The following GUCY1A2 variants were observed in gnomAD, a reference collection of about 807,000 sequenced individuals.
The protein encoded by GUCY1A2 is guanylate cyclase 1 soluble subunit alpha 2.
GUCY1A2 carries 27 observed loss-of-function variants against 63.5 expected under a neutral mutation model. The observed-to-expected ratio is 0.43, with a 90% CI of 0.31 to 0.59. The LOEUF is 0.59. GUCY1A2 is among the 20% of genes least tolerant of loss of function. The probability of loss-of-function intolerance (pLI) is 0.11; values close to 1 mark genes in which losing one functional copy is unlikely to be tolerated. For missense variants in GUCY1A2, 768 were observed against 913.3 expected (o/e 0.84, Z 2.05); for synonymous variants, 364 against 343.5 (o/e 1.06, Z -0.66).
At chr11:106,860,330 A>G (rs1144658) in intron 4 of GUCY1A2, among the ~76,000 whole-genome samples, 1 of 151,780 alleles carries the variant, frequency 6.6e-6, no homozygotes, top group African/African-American at 2.4e-5. Flanking sequence ...GGAAAAAAGG[A>G]AAACACATGA....
Position 106,758,490 on chromosome 11 carries a change from G to A in GUCY1A2, c.1836+17949C>T, listed in dbSNP as rs554735814. ...GCCACACACTGCCCTGCTTCGGTTC[G>A]CCCTCCATAGGCTGCACCCACTGTC... On this transcript the variant is annotated intron_variant, in intron 6 of 7. Transcript: ENST00000526355. Among the ~76,000 whole-genome samples, 122 of 152,202 alleles carry A rather than the reference G, an allele frequency of 8.0e-4. 1 individual carries two copies. Among genetic ancestry groups the A allele is most frequent in the Non-Finnish European group, 1.4e-3 (93 of 68,008 alleles).
chr11:106,833,880 G>A (rs979528419), intron 4 of GUCY1A2, among the ~76,000 whole-genome samples: 1 of 151,884 alleles, frequency 6.6e-6, no homozygotes, highest in Non-Finnish European at 1.5e-5. Context: ...AGTAGTCTCC[G>A]AGTGGCCCAG....
intron 6 of GUCY1A2, among the ~76,000 whole-genome samples, chr11:106,747,602 T>G (rs1211504518): frequency 6.6e-6 from 1 of 152,182 alleles, no homozygotes; most frequent in Non-Finnish European, 1.5e-5. Context: ...ACATTCTGGG[T>G]TTTTGCATTT....
At chr11:106,868,964 C>G (rs10431055) in intron 4 of GUCY1A2, among the ~76,000 whole-genome samples, 24,822 of 152,148 alleles carry the variant, frequency 0.16, 2,441 homozygotes, top group East Asian at 0.28. Flanking sequence ...ACATCTACAA[C>G]TATCTGATCT....
intron 5 of GUCY1A2, among the ~76,000 whole-genome samples, chr11:106,791,630 A>C (rs1423994600): frequency 6.6e-6 from 1 of 152,172 alleles, no homozygotes; most frequent in African/African-American, 2.4e-5. Context: ...TAAATCCTAC[A>C]ATTTTTATAT....
rs186031037 is a variant in GUCY1A2 at position 106,874,775 on chromosome 11, A to C, written c.1207-64297T>G. On this transcript the variant is annotated intron_variant, in intron 4 of 7. Coordinates refer to ENST00000526355, the MANE Select transcript of GUCY1A2 (RefSeq NM_000855.3). ...AAGGAGAGCCACTAAAAGAAAAAAAAACTGGAAAAAAATATTGTAATATTT... is the reference window on the plus strand; with the variant it reads ...AAGGAGAGCCACTAAAAGAAAAAAACACTGGAAAAAAATATTGTAATATTT... Among the ~76,000 whole-genome samples the C allele has an allele frequency of 1.1e-4, 17 of 152,230 alleles. No homozygotes were observed. The East Asian group carries it at 3.3e-3, about 29-fold the overall frequency.
intron 4 of GUCY1A2, among the ~76,000 whole-genome samples, chr11:106,825,195 T>C (rs12800415): frequency 6.6e-6 from 1 of 151,942 alleles, no homozygotes; most frequent in African/African-American, 2.4e-5. Flanking sequence ...AACCCTTTAA[T>C]TGTAAAATAT....
intron 4 of GUCY1A2, among the ~76,000 whole-genome samples, chr11:106,880,523 C>T (rs1459190555): frequency 6.6e-6 from 1 of 152,028 alleles, no homozygotes; most frequent in Non-Finnish European, 1.5e-5. Context: ...CAACACAGTG[C>T]TATCCCTATT....
chr11:106,725,873 T>G (rs1012612486), intron 6 of GUCY1A2, among the ~76,000 whole-genome samples: 8 of 152,030 alleles, frequency 5.3e-5, no homozygotes, highest in African/African-American at 1.9e-4. Flanking sequence ...AGATCTTTTT[T>G]TTTTTCCCTC....
intron 3 of GUCY1A2, among the ~76,000 whole-genome samples, chr11:106,969,083 C>T (rs1219306044): frequency 1.3e-5 from 2 of 152,042 alleles, no homozygotes; most frequent in Non-Finnish European, 2.9e-5. Flanking sequence ...AATATTTTTG[C>T]TTTTGAAAAA....
chr11:106,866,477 G>A (rs993327489), intron 4 of GUCY1A2, among the ~76,000 whole-genome samples: 4 of 152,082 alleles, frequency 2.6e-5, no homozygotes, highest in African/African-American at 4.8e-5. Context: ...AAGAGATTTG[G>A]AGAGAGAATG....
chr11:106,729,060 A>G (rs892873074), intron 6 of GUCY1A2, among the ~76,000 whole-genome samples: 1 of 152,174 alleles, frequency 6.6e-6, no homozygotes, highest in African/African-American at 2.4e-5. Flanking sequence ...TGTGCTAGGT[A>G]TAGAGGAATA....
chr11:106,694,469 A>G (rs945219501), intron 7 of GUCY1A2, among the ~76,000 whole-genome samples: 2 of 152,196 alleles, frequency 1.3e-5, no homozygotes, highest in Admixed American at 1.3e-4. Context: ...GGCTCCTAAA[A>G]TAAGATTGAC....
At chr11:106,780,047 C>A (rs879589204) in intron 5 of GUCY1A2, among the ~76,000 whole-genome samples, 4 of 152,028 alleles carry the variant, frequency 2.6e-5, no homozygotes, top group Non-Finnish European at 4.4e-5. Context: ...TAAGGTGGAC[C>A]TTACCTATAG....
Position 106,677,033 on chromosome 11 carries a change from G to T in GUCY1A2, c.*10516C>A, listed in dbSNP as rs150292668. 9.4e-5 allele frequency: 20 copies of T among 213,766 alleles called. No homozygotes were observed. In the East Asian group the frequency reaches 1.3e-3, roughly 14 times the overall value. 13.2% of individuals were successfully genotyped at this position (213,766 alleles called of 1,614,324 possible). ...CTATCCTCAACTGATCTGCATCTAC[G>T]TGCTCATCTTCTTTCCCCTTTTCTC... On this transcript the variant is annotated 3_prime_UTR_variant, in exon 8 of 8. Transcript: ENST00000526355.
intron 3 of GUCY1A2, among the ~76,000 whole-genome samples, chr11:106,945,330 G>T (rs1860811972): frequency 6.6e-6 from 1 of 151,666 alleles, no homozygotes; most frequent in Non-Finnish European, 1.5e-5. Context: ...AGAGTATCTG[G>T]CAAAGATTCA....
At chr11:106,916,176 A>C (rs192373224) in intron 4 of GUCY1A2, among the ~76,000 whole-genome samples, 1 of 145,880 alleles carries the variant, frequency 6.9e-6, no homozygotes, top group Admixed American at 6.8e-5. Context: ...TCATAAGCAT[A>C]AAGTACTTTT....
At chr11:106,745,038 G>T (rs1863763385) in intron 6 of GUCY1A2, among the ~76,000 whole-genome samples, 11 of 151,790 alleles carry the variant, frequency 7.2e-5, no homozygotes, top group Admixed American at 6.6e-4. Flanking sequence ...TGAAGGAAAA[G>T]AATAAAAATT....
chr11:106,859,653 C>T (rs544801624), intron 4 of GUCY1A2, among the ~76,000 whole-genome samples: 34 of 152,084 alleles, frequency 2.2e-4, no homozygotes, highest in African/African-American at 8.2e-4. Flanking sequence ...AAAGTGCAGT[C>T]ATACATCACC....
Sources: gnomAD v4.1 joint callset for allele counts (sites outside exome capture counted in the v4.1 genomes callset) on GRCh38, gnomAD v4.1.1 for gene constraint, MANE v1.5 for transcripts, NCBI Gene and HGNC (gene_info 2026-07-23, HGNC 2026-07-21) for gene names.